MAML3: variants seen among roughly 807,000 people sequenced by gnomAD.
MAML3 encodes the protein mastermind-like protein 3.
In MAML3, 27 loss-of-function variants were observed where a neutral mutation model predicts 101.9. The observed-to-expected ratio is 0.27, with a 90% CI of 0.20 to 0.37. The LOEUF (loss-of-function observed/expected upper bound fraction) is 0.37. Ranked by LOEUF, MAML3 falls within the 10% of genes least tolerant of loss-of-function variation. The pLI is 1.00. For missense variants in MAML3, 1,316 were observed against 1,444.9 expected (o/e 0.91, Z 1.45); for synonymous variants, 501 against 555.9 (o/e 0.90, Z 1.39).
intron 1 of MAML3, among the ~76,000 whole-genome samples, chr4:140,148,310 G>C (rs1729098813): frequency 6.6e-6 from 1 of 152,184 alleles, no homozygotes; most frequent in South Asian, 2.1e-4. Context: ...AACTAACTCT[G>C]CTTCTACTTT....
chr4:139,985,285 A>G (rs1303088917), intron 1 of MAML3, among the ~76,000 whole-genome samples: 3 of 152,244 alleles, frequency 2.0e-5, no homozygotes, highest in East Asian at 3.8e-4. Flanking sequence ...TTCAATGCCA[A>G]TGACTCAAGA....
rs576426577 is a variant in MAML3 at position 139,771,533 on chromosome 4, A to G, written c.2080-40866T>C. Among the ~76,000 whole-genome samples, 4 of 152,342 alleles carry G rather than the reference A, an allele frequency of 2.6e-5. No homozygotes were observed. In the South Asian group the frequency reaches 6.2e-4, roughly 24 times the overall value. ...TGGGAAGAAATTCATTCAAACTTCA[A>G]TCATTATTTTTTATGTAAGTATCTG... On this transcript the variant is annotated intron_variant, in intron 2 of 4. Transcript: ENST00000509479.
rs182595706 is a variant in MAML3 at position 139,902,881 on chromosome 4, C to A, written c.469-11914G>T. On this transcript the variant is annotated intron_variant, in intron 1 of 4. Coordinates refer to ENST00000509479, the MANE Select transcript of MAML3 (RefSeq NM_018717.5). ...TGACCAAGGCTGAGCCCGGGTGGACCCTTTAGTGCCCCTTTAAGACGTGGC... is the reference window on the plus strand; with the variant it reads ...TGACCAAGGCTGAGCCCGGGTGGACACTTTAGTGCCCCTTTAAGACGTGGC... 4.9e-4 allele frequency among the ~76,000 whole-genome samples: 74 copies of A among 152,310 alleles called. 1 individual carries two copies. Among genetic ancestry groups the A allele is most frequent in the African/African-American group, 1.7e-3 (69 of 41,568 alleles).
intron 1 of MAML3, among the ~76,000 whole-genome samples, chr4:140,000,659 G>A (rs1734906627): frequency 6.6e-6 from 1 of 152,140 alleles, no homozygotes; most frequent in South Asian, 2.1e-4. Flanking sequence ...AATGGCGGTG[G>A]GGAACGGGAC....
At chr4:140,083,963 CACACAGAGAG>C (rs1417595065) in intron 1 of MAML3, among the ~76,000 whole-genome samples, 2,533 of 67,188 alleles carry the variant, frequency 0.038, 42 homozygotes, top group African/African-American at 0.13. Flanking sequence ...CACACACACA[CACACAGAGAG>C]AGAGAGAGAG....
At chr4:140,013,980 T>G (rs556053715) in intron 1 of MAML3, among the ~76,000 whole-genome samples, 1 of 152,204 alleles carries the variant, frequency 6.6e-6, no homozygotes. Flanking sequence ...CTGAAAGCAC[T>G]TGAGAATGGG....
In MAML3 at chr4:140,120,064, C is replaced by T. The variant is rs374841538; in HGVS notation, c.468+32796G>A. Among the ~76,000 whole-genome samples the T allele has an allele frequency of 2.8e-4, 43 of 151,882 alleles. 1 individual carries two copies. The South Asian group carries it at 9.0e-3, about 32-fold the overall frequency. ...CATCCTGGCTAACACGGTGAAACCC[C>T]GTCTCTACTAAAAATACAAAAAATT... On this transcript the variant is annotated intron_variant, in intron 1 of 4. Coordinates refer to ENST00000509479, the MANE Select transcript of MAML3 (RefSeq NM_018717.5).
At chr4:139,747,099 T>C (rs1477805891) in intron 2 of MAML3, among the ~76,000 whole-genome samples, 2 of 152,134 alleles carry the variant, frequency 1.3e-5, no homozygotes, top group Non-Finnish European at 2.9e-5. Context: ...AGCAAAGGGG[T>C]TGAGGATGGA....
chr4:139,907,642 A>G (rs1324275091), intron 1 of MAML3, among the ~76,000 whole-genome samples: 1 of 152,226 alleles, frequency 6.6e-6, no homozygotes, highest in African/African-American at 2.4e-5. Context: ...TGTTGAGCTG[A>G]GTGCAGAGGA....
At chr4:139,762,847 G>C (rs1008925016) in intron 2 of MAML3, among the ~76,000 whole-genome samples, 1 of 152,186 alleles carries the variant, frequency 6.6e-6, no homozygotes, top group Non-Finnish European at 1.5e-5. Context: ...GGTGTGGCCA[G>C]GCACAGCCCA....
rs139635224 is a variant in MAML3, at chr4:139,822,713, C to A, written c.2079+66644G>T. On this transcript the variant is annotated intron_variant, in intron 2 of 4. Transcript: ENST00000509479. ...CTGCCTGCACTGGGCAGAACAGGCT[C>A]ACTTCAGGAATCAGCTCCACATCTC... 2.3e-3 allele frequency among the ~76,000 whole-genome samples: 352 copies of A among 152,330 alleles called. 1 individual carries two copies. Among genetic ancestry groups the A allele is most frequent in the Middle Eastern group, 0.02 (6 of 294 alleles).
At chr4:140,087,563 C>T (rs1363613941) in intron 1 of MAML3, among the ~76,000 whole-genome samples, 1 of 152,218 alleles carries the variant, frequency 6.6e-6, no homozygotes, top group Middle Eastern at 3.2e-3. Context: ...TTTACAGAAA[C>T]ATCACCAAAG....
chr4:140,064,394 G>A (rs915777978), intron 1 of MAML3, among the ~76,000 whole-genome samples: 2 of 152,174 alleles, frequency 1.3e-5, no homozygotes, highest in African/African-American at 2.4e-5. Flanking sequence ...AGCCTTTTGC[G>A]TTTTGATAAG....
intron 2 of MAML3, among the ~76,000 whole-genome samples, chr4:139,887,450 C>A (rs1560825104): frequency 6.6e-6 from 1 of 152,234 alleles, no homozygotes; most frequent in African/African-American, 2.4e-5. Context: ...CATCACTTTG[C>A]TTCTTCAGCT....
Position 139,929,152 on chromosome 4 carries a change from C to T in MAML3, c.469-38185G>A, listed in dbSNP as rs544102695. Among the ~76,000 whole-genome samples the T allele has an allele frequency of 4.6e-5, 7 of 152,268 alleles. No homozygotes were observed. In the South Asian group the frequency reaches 1.5e-3, roughly 32 times the overall value. Reference sequence around the variant, plus strand: ...AATGCAGAGTTGAGATAGATCGCTTCCCTGTGACTATTTCAGTGCTCTGTT... The same window carrying T: ...AATGCAGAGTTGAGATAGATCGCTTTCCTGTGACTATTTCAGTGCTCTGTT... On this transcript the variant is annotated intron_variant, in intron 1 of 4. Coordinates refer to ENST00000509479, the MANE Select transcript of MAML3 (RefSeq NM_018717.5).
At chr4:140,151,112 G>A (rs955651460) in intron 1 of MAML3, among the ~76,000 whole-genome samples, 21 of 152,084 alleles carry the variant, frequency 1.4e-4, no homozygotes, top group African/African-American at 4.8e-4. Flanking sequence ...GCTGGGCCGC[G>A]AGGCGGACAA....
Position 139,785,073 on chromosome 4 carries a change from T to C in MAML3, c.2080-54406A>G, listed in dbSNP as rs905342611. ...TAGCTGTATAACAAAATTACACTTGTACCCCTTACATTTGTACAAAAGAAG... is the reference window on the plus strand; with the variant it reads ...TAGCTGTATAACAAAATTACACTTGCACCCCTTACATTTGTACAAAAGAAG... On this transcript the variant is annotated intron_variant, in intron 2 of 4. Transcript: ENST00000509479. The surrounding 1 kb of genome is among the most constrained non-coding windows in gnomAD (Gnocchi z 4.3). 6.6e-6 allele frequency among the ~76,000 whole-genome samples: 1 copy of C among 152,204 alleles called. No homozygotes were observed. Among genetic ancestry groups the C allele is most frequent in the Admixed American group, 6.5e-5 (1 of 15,284 alleles).
At chr4:139,775,610 A>AG (rs1009293908) in intron 2 of MAML3, among the ~76,000 whole-genome samples, 2 of 152,134 alleles carry the variant, frequency 1.3e-5, no homozygotes, top group African/African-American at 2.4e-5. Flanking sequence ...AAAGGAAAAT[A>AG]GGGGGCAGTT....
intron 1 of MAML3, among the ~76,000 whole-genome samples, chr4:140,129,688 C>A (rs943741501): frequency 2.0e-5 from 3 of 152,108 alleles, no homozygotes; most frequent in Admixed American, 1.3e-4. Context: ...ACAAAACGGC[C>A]GGGCGCGGTG....
Sources: gnomAD v4.1 joint callset for allele counts (sites outside exome capture counted in the v4.1 genomes callset) on GRCh38, gnomAD v4.1.1 for gene constraint, Gnocchi (gnomAD v3.1) non-coding constraint, MANE v1.5 for transcripts, NCBI Gene and HGNC (gene_info 2026-07-23, HGNC 2026-07-21) for gene names.